The following CALCOCO2 variants were observed in gnomAD, a reference collection of about 807,000 sequenced individuals.
CALCOCO2 encodes the protein calcium binding and coiled-coil domain 2.
Under a neutral mutation model 62.5 loss-of-function variants are expected in CALCOCO2, and 42 were observed. The ratio of observed to expected loss-of-function variants is 0.67; its 90% CI spans 0.53 to 0.87. The LOEUF (loss-of-function observed/expected upper bound fraction) is 0.87, where lower values mean the gene tolerates loss of function less well. Among genes scored for constraint, CALCOCO2 ranks in the 40% least tolerant of loss-of-function variants. The pLI is 0.00. For missense variants in CALCOCO2, 456 were observed against 515.0 expected (o/e 0.89, Z 1.11); for synonymous variants, 167 against 173.0 (o/e 0.97, Z 0.27).
intron 2 of CALCOCO2, chr17:48,846,046 C>A: frequency 2.0e-6 from 3 of 1,467,322 alleles, no homozygotes; most frequent in South Asian, 1.2e-5. Context: ...TAGTCTTAAT[C>A]AGACTATTCA....
chr17:48,846,580 G>A, intron 2 of CALCOCO2: 4 of 739,430 alleles, frequency 5.4e-6, no homozygotes, highest in Non-Finnish European at 9.3e-6. Context: ...ATGATATTTT[G>A]GTCACAGTGC....
At chr17:48,857,977 TAGA>T (rs1377989636) in intron 10 of CALCOCO2, among the ~76,000 whole-genome samples, 3 of 18,314 alleles carry the variant, frequency 1.6e-4, no homozygotes, top group Non-Finnish European at 4.0e-4. Flanking sequence ...ACTACATCAA[TAGA>T]ATAGAATAGA....
chr17:48,838,062 G>A lies in CALCOCO2; in HGVS notation c.-10-3636G>A, dbSNP rs376765729. On this transcript the variant is annotated intron_variant, in intron 1 of 12. Transcript: ENST00000258947. ...AAGGATGGGGTTTATTAGGCCGGGG[G>A]CATCAGCAAGACTCCTGTCTCAAGA... Among the ~76,000 whole-genome samples the A allele has an allele frequency of 1.5e-4, 23 of 152,246 alleles. 1 individual carries two copies. The South Asian group carries it at 2.7e-3, about 18-fold the overall frequency.
chr17:48,860,641 C>G (rs2040313297), intron 11 of CALCOCO2, among the ~76,000 whole-genome samples, 192 bp downstream of exon 11: 1 of 152,168 alleles, frequency 6.6e-6, no homozygotes, highest in Admixed American at 6.5e-5. Context: ...CCAGAAGACA[C>G]AAATCAGATC....
At chr17:48,850,084 A>C (rs1242890241) in intron 5 of CALCOCO2, among the ~76,000 whole-genome samples, 1 of 151,992 alleles carries the variant, frequency 6.6e-6, no homozygotes, top group Non-Finnish European at 1.5e-5. Flanking sequence ...GTGGATCACA[A>C]GGTCAGGAGT....
chr17:48,847,067 G>A (rs957291668), intron 2 of CALCOCO2, among the ~76,000 whole-genome samples: 5 of 152,064 alleles, frequency 3.3e-5, no homozygotes, highest in Non-Finnish European at 5.9e-5. Context: ...CCTAGAAGAG[G>A]CCTTTACGAC....
At position 48,864,066 on chromosome 17, in the gene CALCOCO2, C is replaced by CTTTTTTTTTTTTT. The variant is rs35356632; in HGVS notation, c.*1068_*1080dup. 2.4e-5 allele frequency: 3 copies of CTTTTTTTTTTTTT among 126,498 alleles called. No individual in the cohort carries two copies. Among genetic ancestry groups the CTTTTTTTTTTTTT allele is most frequent in the African/African-American group, 8.9e-5 (3 of 33,542 alleles). The allele number at this position is 126,498 out of a possible 1,614,324, so 7.8% of individuals were successfully genotyped here. A position where few individuals can be genotyped will look rare whatever the true frequency, so the allele number is the denominator to read the frequency against. On this transcript the variant is annotated 3_prime_UTR_variant, in exon 13 of 13. Transcript: ENST00000258947. ...TCCAAGGCCCTGGCTTGCTTTCTTTCTTTTTTTTTTTTTTTTTTTGAAACA... is the reference window on the plus strand; with the variant it reads ...TCCAAGGCCCTGGCTTGCTTTCTTTCTTTTTTTTTTTTTTTTTTTTTTTTTTTTTTTTGAAACA...
Position 48,856,118 on chromosome 17 carries a change from A to G in CALCOCO2, c.939A>G (p.Arg313=). 6.2e-7 allele frequency: 1 copy of G among 1,600,220 alleles called. No homozygotes were observed. Among genetic ancestry groups the G allele is most frequent in the Non-Finnish European group, 8.6e-7 (1 of 1,169,258 alleles). The change falls in exon 10 of 13, where the codon AGA becomes AGG. Residue 313 remains arginine, a synonymous_variant. Coordinates refer to ENST00000258947, the MANE Select transcript of CALCOCO2 (RefSeq NM_005831.5). ...ATGAAAACTTTGACCTGTCAAAAAG[A>G]CTGAGTGAGAACGAAATTATATGTA... ...LMDENFDLSK[R]LSENEIICNA... is the part of the protein sequence containing the mutation.
chr17:48,841,944 T>G, intron 2 of CALCOCO2, 57 bp downstream of exon 2: 1 of 1,244,028 alleles, frequency 8.0e-7, no homozygotes, highest in Non-Finnish European at 1.1e-6. Context: ...CTTAGTTACC[T>G]AACTGTGTGA....
intron 9 of CALCOCO2, among the ~76,000 whole-genome samples, chr17:48,853,885 A>G: frequency 6.6e-6 from 1 of 152,230 alleles, no homozygotes. Flanking sequence ...CTGTCCCTAT[A>G]GATTCTCCAT....
intron 10 of CALCOCO2, among the ~76,000 whole-genome samples, chr17:48,857,569 C>T (rs1297946686): frequency 7.1e-6 from 1 of 140,172 alleles, no homozygotes; most frequent in Non-Finnish European, 1.5e-5. Context: ...GTGGCATGAT[C>T]GTGACTCACT....
chr17:48,862,732 T>A (rs2040345759), intron 12 of CALCOCO2, 106 bp from the exon 13 acceptor site: 1 of 857,134 alleles, frequency 1.2e-6, no homozygotes, highest in Admixed American at 1.9e-5. Flanking sequence ...CCTAACCATG[T>A]GCCAGTCATT....
chr17:48,854,590 G>T (rs12450078), intron 9 of CALCOCO2, among the ~76,000 whole-genome samples: 1 of 149,446 alleles, frequency 6.7e-6, no homozygotes, highest in Non-Finnish European at 1.5e-5. Flanking sequence ...ATTTTTAGTA[G>T]AGACGGGGTT....
Position 48,853,013 on chromosome 17 carries a change from G to C in CALCOCO2, c.912+1G>C, listed in dbSNP as rs2040156679. 7 of 1,602,550 alleles carry C rather than the reference G, an allele frequency of 4.4e-6. No individual in the cohort carries two copies. The highest frequency in any genetic ancestry group is 6.0e-6 in the Non-Finnish European group (7 of 1,169,512). On this transcript the variant is annotated splice_donor_variant, in intron 9 of 12. Transcript: ENST00000258947. LOFTEE classifies it high-confidence loss of function. ...AATGAAGAAACAACAGGAATTAATGGCATGTCTGTCTTTGGATGGTTATGT... is the reference window on the plus strand; with the variant it reads ...AATGAAGAAACAACAGGAATTAATGCCATGTCTGTCTTTGGATGGTTATGT...
At chr17:48,845,399 G>C (rs1302153115) in intron 2 of CALCOCO2, among the ~76,000 whole-genome samples, 2 of 144,290 alleles carry the variant, frequency 1.4e-5, no homozygotes, top group African/African-American at 5.5e-5. Flanking sequence ...GTGTGTGTGT[G>C]TGTGTGTGTG....
chr17:48,844,517 C>T (rs756528662), intron 2 of CALCOCO2, among the ~76,000 whole-genome samples: 40 of 151,816 alleles, frequency 2.6e-4, no homozygotes, highest in East Asian at 9.8e-4. Context: ...TGCAATGGCG[C>T]GATCTTGGCT....
chr17:48,844,333 A>T (rs1279212487), intron 2 of CALCOCO2, among the ~76,000 whole-genome samples: 1 of 151,934 alleles, frequency 6.6e-6, no homozygotes, highest in African/African-American at 2.4e-5. Flanking sequence ...GTAGTTTATA[A>T]CGTCTTTTTT....
chr17:48,831,866 G>A (rs573835290), intron 1 of CALCOCO2: 1 of 152,320 alleles, frequency 6.6e-6, no homozygotes, highest in African/African-American at 2.4e-5. Flanking sequence ...GCAAGTAAAG[G>A]ACTTTATGTG....
intron 2 of CALCOCO2, among the ~76,000 whole-genome samples, chr17:48,843,405 G>A (rs1030712903): frequency 1.3e-5 from 2 of 152,180 alleles, no homozygotes; most frequent in African/African-American, 2.4e-5. Context: ...ACCTCAGTAT[G>A]TCATGTGCCT....
Sources: gnomAD v4.1 joint callset for allele counts (sites outside exome capture counted in the v4.1 genomes callset) on GRCh38, gnomAD v4.1.1 for gene constraint, MANE v1.5 for transcripts, NCBI Gene and HGNC (gene_info 2026-07-23, HGNC 2026-07-21) for gene names.